DYNC2I1: variants seen among roughly 807,000 people sequenced by gnomAD.
DYNC2I1 encodes the protein cytoplasmic dynein 2 intermediate chain 1.
A neutral mutation model predicts 133.4 loss-of-function variants in DYNC2I1; 89 were observed. The ratio of observed to expected loss-of-function variants is 0.67; its 90% confidence interval spans 0.56 to 0.80. The LOEUF (loss-of-function observed/expected upper bound fraction) is 0.80. Ranked by LOEUF, DYNC2I1 falls within the 30% of genes least tolerant of loss-of-function variation. The pLI is 0.00. For missense variants in DYNC2I1, 1,291 were observed against 1,314.5 expected, an observed-to-expected ratio of 0.98 and a Z score of 0.28; for synonymous variants, 504 against 484.3, an observed-to-expected ratio of 1.04 and a Z score of -0.54.
At position 158,911,530 on chromosome 7, in the gene DYNC2I1, G is replaced by A. The variant is rs1319387456; in HGVS notation, c.1461-20G>A. 6.2e-7 allele frequency: 1 copy of A among 1,607,518 alleles called. No individual in the cohort carries two copies. The highest frequency in any genetic ancestry group is 8.5e-7 in the Non-Finnish European group (1 of 1,177,910). On this transcript the variant is annotated intron_variant, in intron 11 of 24. Transcript: ENST00000407559. Reference sequence around the variant, plus strand: ...TATTATTCGAGTTAATTTTTGTCTTGTTTCCAATTTATTTCAAAGGATGCG... The same window carrying A: ...TATTATTCGAGTTAATTTTTGTCTTATTTCCAATTTATTTCAAAGGATGCG...
chr7:158,935,375 A>G (rs1213607163), intron 23 of DYNC2I1, among the ~76,000 whole-genome samples: 1 of 152,230 alleles, frequency 6.6e-6, no homozygotes, highest in Non-Finnish European at 1.5e-5. Flanking sequence ...GCAAAATATT[A>G]AACAACTTTA....
chr7:158,918,332 T>C (rs1848684467), intron 14 of DYNC2I1, among the ~76,000 whole-genome samples: 1 of 152,230 alleles, frequency 6.6e-6, no homozygotes, highest in Non-Finnish European at 1.5e-5. Flanking sequence ...ATCCTAAGGA[T>C]GACCCTCCTG....
chr7:158,879,854 C>G lies in DYNC2I1; in HGVS notation c.744C>G (p.Phe248Leu). 4 of 1,613,298 alleles carry G rather than the reference C, an allele frequency of 2.5e-6. No individual in the cohort carries two copies. The highest frequency in any genetic ancestry group is 3.4e-6 in the Non-Finnish European group (4 of 1,179,696). Residue 248 changes from phenylalanine to leucine, a missense_variant, in exon 5 of 25, where the codon TTC becomes TTG. By Grantham distance (22) the Phe-to-Leu change is conservative. Transcript: ENST00000407559. ...EKYSKEKSNSFSDKGEERHKE... is the reference protein window; with the variant it reads ...EKYSKEKSNSLSDKGEERHKE... ...ATTCCAAAGAGAAAAGTAATTCATT[C>G]TCTGACAAAGGGGAAGAAAGACATA... is the stretch of plus-strand genomic sequence containing the variant.
intron 4 of DYNC2I1, among the ~76,000 whole-genome samples, chr7:158,954,897 C>A (rs543054117): frequency 9.4e-5 from 14 of 149,700 alleles, no homozygotes; most frequent in African/African-American, 3.4e-4. Flanking sequence ...CCTCCCCACA[C>A]CCCCACCATG....
chr7:158,840,902 G>A, the DYNC2I1 span, among the ~76,000 whole-genome samples: 1 of 152,134 alleles, frequency 6.6e-6, no homozygotes, highest in African/African-American at 2.4e-5. Context: ...CTGGAGCAGA[G>A]AGCAATGCCC....
At chr7:158,900,266 CA>C (rs1184531723) in intron 8 of DYNC2I1, among the ~76,000 whole-genome samples, 1 of 151,992 alleles carries the variant, frequency 6.6e-6, no homozygotes, top group African/African-American at 2.4e-5. Context: ...GGGTTACAGG[CA>C]AGTGCCACCA....
At chr7:158,930,581 T>C in intron 21 of DYNC2I1, 66 bp downstream of exon 21, 1 of 1,352,358 alleles carries the variant, frequency 7.4e-7, no homozygotes, top group Non-Finnish European at 1.0e-6. Context: ...CATTGGGGAA[T>C]TGCATATACG....
intron 23 of DYNC2I1, among the ~76,000 whole-genome samples, chr7:158,936,507 G>A (rs1182142353): frequency 6.6e-6 from 1 of 152,220 alleles, no homozygotes; most frequent in African/African-American, 2.4e-5. Flanking sequence ...AAGTAAAATT[G>A]AGGTGGACAA....
Position 158,945,800 on chromosome 7 carries a change from G to A in DYNC2I1, c.*21G>A, listed in dbSNP as rs1339390543. The stretch of plus-strand genomic sequence containing the variant: ...AGTAGCGGGTGTGGCTGAGAGGACC[G>A]CGTTTCTGTAATGACCCAGATTTAA... On this transcript the variant is annotated 3_prime_UTR_variant, in exon 25 of 25. Coordinates refer to ENST00000407559, the MANE Select transcript of DYNC2I1 (RefSeq NM_018051.5). The surrounding 1 kb of genome is among the most constrained non-coding windows in gnomAD (Gnocchi z 4.1). 8.6e-6 allele frequency: 13 copies of A among 1,504,872 alleles called. No homozygotes were observed. Among genetic ancestry groups the A allele is most frequent in the African/African-American group, 2.8e-5 (2 of 71,468 alleles). The allele number at this position is 1,504,872 out of a possible 1,614,324, so 93.2% of individuals were successfully genotyped here. A position where few individuals can be genotyped will look rare whatever the true frequency, so the allele number is the denominator to read the frequency against.
intron 10 of DYNC2I1, 77 bp downstream of exon 10, chr7:158,902,672 C>A: frequency 7.7e-7 from 1 of 1,304,724 alleles, no homozygotes; most frequent in Non-Finnish European, 1.1e-6. Context: ...TGCTGTCACA[C>A]ACAGGCCTAC....
chr7:158,849,224 A>C, the DYNC2I1 span, among the ~76,000 whole-genome samples: 1 of 152,242 alleles, frequency 6.6e-6, no homozygotes, highest in South Asian at 2.1e-4. Context: ...GTACAGATTG[A>C]TAGGACTATG....
chr7:158,921,873 C>A lies in DYNC2I1; in HGVS notation c.1922-504C>A, dbSNP rs1849133451. ...TGATGTGTGAGAGCTGCCGGCACGG[C>A]CAGCAGTGGCAACAGTAACGCCTTG... is the stretch of plus-strand genomic sequence containing the variant. On this transcript the variant is annotated intron_variant, in intron 15 of 24. Transcript: ENST00000407559. 4.6e-5 allele frequency among the ~76,000 whole-genome samples: 7 copies of A among 152,342 alleles called. No homozygotes were observed. In the South Asian group the frequency reaches 1.5e-3, roughly 32 times the overall value.
chr7:158,889,880 C>G (rs927670662), intron 7 of DYNC2I1, among the ~76,000 whole-genome samples: 1 of 151,846 alleles, frequency 6.6e-6, no homozygotes, highest in African/African-American at 2.4e-5. Flanking sequence ...TGGTGGCCTC[C>G]TGTAATCCCA....
At chr7:158,918,900 A>G (rs938448913) in intron 15 of DYNC2I1, 31 bp downstream of exon 15, 1 of 1,597,922 alleles carries the variant, frequency 6.3e-7, no homozygotes, top group African/African-American at 1.3e-5. Context: ...ATGATTTTAA[A>G]TCCAGTGACT....
rs542813292 is a variant in DYNC2I1, at chr7:158,894,405, C to T, written c.1059+3072C>T. Among the ~76,000 whole-genome samples the T allele has an allele frequency of 5.3e-5, 8 of 152,316 alleles. No individual in the cohort carries two copies. The South Asian group carries it at 1.7e-3, about 32-fold the overall frequency. Reference sequence around the variant, plus strand: ...AAAAAAAAATAATAATACATTGAATCATTGTAAGTTGCAGATTGTCTGTAG... The same window carrying T: ...AAAAAAAAATAATAATACATTGAATTATTGTAAGTTGCAGATTGTCTGTAG... On this transcript the variant is annotated intron_variant, in intron 8 of 24. Transcript: ENST00000407559.
chr7:158,923,786 T>C, intron 17 of DYNC2I1, 53 bp downstream of exon 17: 1 of 1,574,774 alleles, frequency 6.4e-7, no homozygotes, highest in Non-Finnish European at 8.6e-7. Flanking sequence ...CCACACGGAT[T>C]TGAGGAACAA....
chr7:158,892,284 C>G (rs960920753), intron 8 of DYNC2I1, among the ~76,000 whole-genome samples: 2 of 152,138 alleles, frequency 1.3e-5, no homozygotes, highest in Admixed American at 1.3e-4. Flanking sequence ...TTCCTGTTTT[C>G]TTCTTGTCAG....
At position 158,925,202 on chromosome 7, in the gene DYNC2I1, A is replaced by G. The variant is rs561385012; in HGVS notation, c.2258-985A>G. On this transcript the variant is annotated intron_variant, in intron 17 of 24. Transcript: ENST00000407559. Reference sequence around the variant, plus strand: ...CAGCCCTTTCCTCAGTCGAGCCATCAGTGCTTCATCTGGGTCCTCTCACTT... The same window carrying G: ...CAGCCCTTTCCTCAGTCGAGCCATCGGTGCTTCATCTGGGTCCTCTCACTT... Among the ~76,000 whole-genome samples the G allele has an allele frequency of 3.2e-4, 49 of 152,348 alleles. 1 individual carries two copies. The South Asian group carries it at 7.9e-3, about 24-fold the overall frequency.
chr7:158,864,540 G>A (rs918410378), intron 1 of DYNC2I1, among the ~76,000 whole-genome samples: 1 of 152,126 alleles, frequency 6.6e-6, no homozygotes, highest in Non-Finnish European at 1.5e-5. Flanking sequence ...ATGGGGTTTC[G>A]CTGTGTTGCC....
Sources: gnomAD v4.1 joint callset for allele counts (sites outside exome capture counted in the v4.1 genomes callset) on GRCh38, gnomAD v4.1.1 for gene constraint, Gnocchi (gnomAD v3.1) non-coding constraint, MANE v1.5 for transcripts, NCBI Gene and HGNC (gene_info 2026-07-23, HGNC 2026-07-21) for gene names.